Variants in PLPPR1 observed in about 807,000 individuals in gnomAD.
PLPPR1 encodes phospholipid phosphatase-related protein type 1.
A neutral mutation model predicts 33.1 loss-of-function variants in PLPPR1; 10 were observed. The ratio of observed to expected loss-of-function variants is 0.30; its 90% CI spans 0.19 to 0.51. The LOEUF (loss-of-function observed/expected upper bound fraction) is 0.51. Among genes scored for constraint, PLPPR1 ranks in the 20% least tolerant of loss-of-function variants. The probability of loss-of-function intolerance (pLI) is 0.97; values close to 1 mark genes in which losing one functional copy is unlikely to be tolerated. For missense variants in PLPPR1, 304 were observed against 408.1 expected, an observed-to-expected ratio of 0.74 and a Z score of 2.20; for synonymous variants, 151 against 151.0, an observed-to-expected ratio of 1.00 and a Z score of 0.00.
intron 6 of PLPPR1, among the ~76,000 whole-genome samples, chr9:101,314,280 C>T (rs1436948649): frequency 1.3e-5 from 2 of 152,204 alleles, no homozygotes; most frequent in East Asian, 3.8e-4. Context: ...GGACTTAACA[C>T]ACTTCCTTTT....
chr9:101,166,315 C>T (rs973750656), intron 1 of PLPPR1, among the ~76,000 whole-genome samples: 1 of 152,168 alleles, frequency 6.6e-6, no homozygotes, highest in African/African-American at 2.4e-5. Flanking sequence ...TTTCCTGGCC[C>T]CCTAGCCTAT....
intron 3 of PLPPR1, among the ~76,000 whole-genome samples, chr9:101,285,610 T>C (rs1025268310): frequency 6.6e-6 from 1 of 152,164 alleles, no homozygotes; most frequent in African/African-American, 2.4e-5. Context: ...ATAGACTAAT[T>C]GATATAAAGA....
intron 1 of PLPPR1, among the ~76,000 whole-genome samples, chr9:101,053,106 A>T (rs748129915): frequency 3.9e-5 from 6 of 152,186 alleles, no homozygotes; most frequent in Non-Finnish European, 7.3e-5. Flanking sequence ...GCCTGATGAC[A>T]TCTCAACTTG....
At chr9:101,317,812 A>G (rs1224099613) in intron 7 of PLPPR1, among the ~76,000 whole-genome samples, 2 of 152,220 alleles carry the variant, frequency 1.3e-5, no homozygotes, top group African/African-American at 4.8e-5. Context: ...GAAAAAAGCA[A>G]TTTGACTTAA....
At chr9:101,236,060 C>T (rs905290008) in intron 2 of PLPPR1, among the ~76,000 whole-genome samples, 17 of 151,700 alleles carry the variant, frequency 1.1e-4, no homozygotes, top group African/African-American at 4.1e-4. Flanking sequence ...ACTGTTTCTT[C>T]AGTATTTATA....
At position 101,249,870 on chromosome 9, in the gene PLPPR1, T is replaced by G. The variant is rs10819913; in HGVS notation, c.64-20010T>G. Among the ~76,000 whole-genome samples, 24 of 151,958 alleles carry G rather than the reference T, an allele frequency of 1.6e-4. No homozygotes were observed. In the South Asian group the frequency reaches 4.4e-3, roughly 28 times the overall value. ...TGTAGCTGGCACATCTCTTCTCATC[T>G]CTTGCTGGACAATGGGCACAGCTGT... On this transcript the variant is annotated intron_variant, in intron 2 of 7. Transcript: ENST00000374874.
intron 3 of PLPPR1, among the ~76,000 whole-genome samples, chr9:101,277,781 A>T (rs1004633567): frequency 1.3e-5 from 2 of 152,158 alleles, no homozygotes; most frequent in African/African-American, 4.8e-5. Context: ...GGGCACAATG[A>T]TTTCTTTCTC....
At chr9:101,184,310 A>G (rs904501306) in intron 1 of PLPPR1, among the ~76,000 whole-genome samples, 18 of 151,618 alleles carry the variant, frequency 1.2e-4, no homozygotes, top group Admixed American at 2.0e-4. Flanking sequence ...TTGACAAGTG[A>G]GGAGTTGATA....
intron 1 of PLPPR1, among the ~76,000 whole-genome samples, chr9:101,046,434 T>C (rs1458121610): frequency 6.8e-6 from 1 of 148,144 alleles, no homozygotes; most frequent in Non-Finnish European, 1.5e-5. Flanking sequence ...CCTCTTTTAT[T>C]CTTTTTTTTT....
chr9:101,142,406 A>G (rs1318516238), intron 1 of PLPPR1, among the ~76,000 whole-genome samples: 1 of 152,190 alleles, frequency 6.6e-6, no homozygotes, highest in African/African-American at 2.4e-5. Flanking sequence ...GCTTGTACTT[A>G]AATGTGGCCT....
intron 2 of PLPPR1, among the ~76,000 whole-genome samples, chr9:101,221,158 A>C (rs978064599): frequency 2.6e-5 from 4 of 152,152 alleles, no homozygotes; most frequent in African/African-American, 9.7e-5. Context: ...TAAGTTCTTT[A>C]GTGGTGATTT....
At chr9:101,117,214 T>C (rs764402193) in intron 1 of PLPPR1, among the ~76,000 whole-genome samples, 1 of 152,126 alleles carries the variant, frequency 6.6e-6, no homozygotes, top group Non-Finnish European at 1.5e-5. Flanking sequence ...AGAGCATTCT[T>C]AGTCACAGGA....
At chr9:101,179,985 C>T (rs1285315249) in intron 1 of PLPPR1, among the ~76,000 whole-genome samples, 1 of 150,914 alleles carries the variant, frequency 6.6e-6, no homozygotes, top group East Asian at 2.0e-4. Flanking sequence ...CATCAGACTC[C>T]AAGTTCTTCA....
intron 4 of PLPPR1, among the ~76,000 whole-genome samples, chr9:101,307,447 G>T (rs1017032321): frequency 2.6e-5 from 4 of 152,142 alleles, no homozygotes; most frequent in African/African-American, 9.7e-5. Flanking sequence ...TGAAAATCTT[G>T]CTGGAAGATG....
chr9:101,178,402 G>T (rs1826049770), intron 1 of PLPPR1, among the ~76,000 whole-genome samples: 1 of 152,206 alleles, frequency 6.6e-6, no homozygotes, highest in Non-Finnish European at 1.5e-5. Context: ...ATCATGGAAA[G>T]AGCAGAGGTT....
chr9:101,031,919 GT>G (rs1829950132), intron 1 of PLPPR1, among the ~76,000 whole-genome samples: 1 of 152,148 alleles, frequency 6.6e-6, no homozygotes. Context: ...TATAGAGTGA[GT>G]TTTTTAGAGA....
chr9:101,163,744 G>A (rs1825803206), intron 1 of PLPPR1, among the ~76,000 whole-genome samples: 1 of 152,190 alleles, frequency 6.6e-6, no homozygotes, highest in Non-Finnish European at 1.5e-5. Context: ...TTCATCCAAA[G>A]TTTATTTATA....
chr9:101,294,206 A>C (rs1319283132), intron 4 of PLPPR1, among the ~76,000 whole-genome samples: 1 of 152,084 alleles, frequency 6.6e-6, no homozygotes, highest in Non-Finnish European at 1.5e-5. Flanking sequence ...ATCTAGAAGA[A>C]ATGGATAAAT....
intron 6 of PLPPR1, among the ~76,000 whole-genome samples, chr9:101,314,677 C>A (rs1388711870): frequency 6.7e-6 from 1 of 149,074 alleles, no homozygotes; most frequent in Non-Finnish European, 1.5e-5. Context: ...GACGCAGACA[C>A]AAAGTGAGCA....
Sources: gnomAD v4.1 joint callset for allele counts (sites outside exome capture counted in the v4.1 genomes callset) on GRCh38, gnomAD v4.1.1 for gene constraint, MANE v1.5 for transcripts, NCBI Gene and HGNC (gene_info 2026-07-23, HGNC 2026-07-21) for gene names.